CLINT1: variants seen among roughly 807,000 people sequenced by gnomAD.
CLINT1 encodes clathrin interacting protein localized in the trans-Golgi region.
In CLINT1, 15 loss-of-function variants were observed where a neutral mutation model predicts 70.4. The observed-to-expected ratio is 0.21, with a 90% confidence interval of 0.14 to 0.33. CLINT1 has a LOEUF of 0.33. Ranked by LOEUF, CLINT1 falls within the 10% of genes least tolerant of loss-of-function variation. The pLI is 1.00. For synonymous variants in CLINT1, 227 were observed against 254.7 expected (o/e 0.89, Z 1.04); for missense variants, 615 against 778.1 (o/e 0.79, Z 2.49).
chr5:157,807,927 G>A (rs1762435112), intron 6 of CLINT1, among the ~76,000 whole-genome samples: 1 of 150,840 alleles, frequency 6.6e-6, no homozygotes, highest in African/African-American at 2.4e-5. Flanking sequence ...AAGTAACACA[G>A]TTAGTGGTGG....
intron 1 of CLINT1, among the ~76,000 whole-genome samples, chr5:157,850,215 TG>T (rs945125745): frequency 9.9e-5 from 15 of 152,268 alleles, no homozygotes; most frequent in African/African-American, 3.6e-4. Flanking sequence ...CTCTCGCTGC[TG>T]AGTGGACAGC....
chr5:157,828,783 C>T (rs928646014), intron 1 of CLINT1, among the ~76,000 whole-genome samples: 5 of 151,712 alleles, frequency 3.3e-5, no homozygotes, highest in African/African-American at 7.3e-5. Context: ...CAGTGCACCA[C>T]CTGCATAGAT....
At chr5:157,830,561 T>A (rs1276350375) in intron 1 of CLINT1, among the ~76,000 whole-genome samples, 1 of 152,004 alleles carries the variant, frequency 6.6e-6, no homozygotes, top group Non-Finnish European at 1.5e-5. Flanking sequence ...TTCAAAAACA[T>A]GGGTTTTTGT....
chr5:157,831,530 C>G (rs574740213), intron 1 of CLINT1, among the ~76,000 whole-genome samples: 32 of 151,980 alleles, frequency 2.1e-4, no homozygotes, highest in Non-Finnish European at 3.2e-4. Context: ...ACAAAAAGCA[C>G]AATAAAAAAG....
At chr5:157,794,628 C>T (rs1042540554) in intron 9 of CLINT1, among the ~76,000 whole-genome samples, 1 of 152,138 alleles carries the variant, frequency 6.6e-6, no homozygotes, top group Admixed American at 6.6e-5. Context: ...TACTCACATC[C>T]TCCTTTCCCT....
chr5:157,803,279 C>T (rs1310357888), intron 8 of CLINT1, among the ~76,000 whole-genome samples: 1 of 151,996 alleles, frequency 6.6e-6, no homozygotes, highest in Non-Finnish European at 1.5e-5. Context: ...GTACATGATG[C>T]CTTGAAATAC....
chr5:157,839,303 A>G (rs542801651), intron 1 of CLINT1, among the ~76,000 whole-genome samples: 7 of 151,932 alleles, frequency 4.6e-5, no homozygotes, highest in African/African-American at 1.7e-4. Context: ...CCACACTTCC[A>G]AAGAACTTTG....
chr5:157,810,267 A>C (rs1762515481), intron 5 of CLINT1, among the ~76,000 whole-genome samples: 1 of 152,256 alleles, frequency 6.6e-6, no homozygotes, highest in Non-Finnish European at 1.5e-5. Context: ...AAGGAACTCC[A>C]ATCTGAATGC....
intron 1 of CLINT1, among the ~76,000 whole-genome samples, chr5:157,837,884 C>T (rs1336134538): frequency 6.6e-6 from 1 of 151,906 alleles, no homozygotes; most frequent in Non-Finnish European, 1.5e-5. Flanking sequence ...CCTCGTGATC[C>T]ACCAGCCTTG....
chr5:157,794,920 T>G lies in CLINT1; in HGVS notation c.1065A>C (p.Ala355=), dbSNP rs1214097100. The G allele has an allele frequency of 3.2e-6, 5 of 1,558,790 alleles. No homozygotes were observed. Among genetic ancestry groups the G allele is most frequent in the Non-Finnish European group, 4.3e-6 (5 of 1,150,694 alleles). Residue 355 remains alanine, a synonymous_variant, in exon 9 of 12, where the codon GCA becomes GCC. Coordinates refer to ENST00000411809, the MANE Select transcript of CLINT1 (RefSeq NM_014666.4). ...TACCTTGGGAAGGGAAACTGCCTGATGCAGCAGCTGAGCCAAAGTCAGCAA... is the reference window on the plus strand; with the variant it reads ...TACCTTGGGAAGGGAAACTGCCTGAGGCAGCAGCTGAGCCAAAGTCAGCAA... ...GGFADFGSAA[A]SGSFPSQVTA...
At position 157,814,777 on chromosome 5, in the gene CLINT1, C is replaced by G. The variant is rs149276010; in HGVS notation, c.244-484G>C. ...CAGGCTCAGCGGCTCATGCCTGTAA[C>G]CCCAGCACTTCCTGGGAGGCCGAGG... is the stretch of plus-strand genomic sequence containing the variant. On this transcript the variant is annotated intron_variant, in intron 3 of 11. Transcript: ENST00000411809. Among the ~76,000 whole-genome samples the G allele has an allele frequency of 5.2e-4, 79 of 152,126 alleles. 1 individual carries two copies. In the East Asian group the frequency reaches 0.015, roughly 29 times the overall value.
In CLINT1 at chr5:157,786,158, T is replaced by C. The variant is rs918061525; in HGVS notation, c.*1488A>G. On this transcript the variant is annotated 3_prime_UTR_variant, in exon 12 of 12. Coordinates refer to ENST00000411809, the MANE Select transcript of CLINT1 (RefSeq NM_014666.4). Reference sequence around the variant, plus strand: ...TTTAATTCCTAACAGTAGAGTCTGATAGGAAAGAATAGAGAAGTCATTAAA... The same window carrying C: ...TTTAATTCCTAACAGTAGAGTCTGACAGGAAAGAATAGAGAAGTCATTAAA... 2 of 152,182 alleles carry C rather than the reference T, an allele frequency of 1.3e-5. No homozygotes were observed. The highest frequency in any genetic ancestry group is 2.9e-5 in the Non-Finnish European group (2 of 68,014). 9.4% of individuals were successfully genotyped at this position (152,182 alleles called of 1,614,324 possible).
At chr5:157,844,391 A>G (rs1284959249) in intron 1 of CLINT1, among the ~76,000 whole-genome samples, 1 of 152,156 alleles carries the variant, frequency 6.6e-6, no homozygotes, top group Non-Finnish European at 1.5e-5. Flanking sequence ...TTTTTCATGC[A>G]GTTTTCATAT....
chr5:157,834,350 G>A (rs928785497), intron 1 of CLINT1, among the ~76,000 whole-genome samples: 1 of 149,532 alleles, frequency 6.7e-6, no homozygotes, highest in African/African-American at 2.5e-5. Flanking sequence ...TCCAGCCTGG[G>A]CAACAGAGCG....
chr5:157,790,586 C>T (rs2113123675), intron 10 of CLINT1: 1 of 452,694 alleles, frequency 2.2e-6, no homozygotes, highest in Middle Eastern at 3.3e-4. Context: ...ATTTCTGTTA[C>T]ATAGAGCAGT....
intron 1 of CLINT1, among the ~76,000 whole-genome samples, chr5:157,849,751 C>T (rs773437471): frequency 3.9e-5 from 6 of 152,116 alleles, no homozygotes; most frequent in Non-Finnish European, 8.8e-5. Context: ...TTGTTCTTGG[C>T]ACATGGCAAA....
chr5:157,801,315 T>C (rs555416525), intron 8 of CLINT1, among the ~76,000 whole-genome samples: 76 of 151,694 alleles, frequency 5.0e-4, no homozygotes, highest in African/African-American at 1.8e-3. Context: ...GAGACCAAGC[T>C]GGCCAACATG....
chr5:157,831,038 T>G lies in CLINT1; in HGVS notation c.42-13491A>C, dbSNP rs565969694. Among the ~76,000 whole-genome samples the G allele has an allele frequency of 1.2e-4, 17 of 147,782 alleles. No individual in the cohort carries two copies. The East Asian group carries it at 2.6e-3, about 23-fold the overall frequency. Reference sequence around the variant, plus strand: ...CAGACTAGATGACAGAACAAGACCCTGTCTCAAAAAAACAAACAAACAAAA... The same window carrying G: ...CAGACTAGATGACAGAACAAGACCCGGTCTCAAAAAAACAAACAAACAAAA... On this transcript the variant is annotated intron_variant, in intron 1 of 11. Transcript: ENST00000411809.
At position 157,787,086 on chromosome 5, in the gene CLINT1, T is replaced by C. The variant is rs1034435141; in HGVS notation, c.*560A>G. 1 of 153,672 alleles carries C rather than the reference T, an allele frequency of 6.5e-6. No individual in the cohort carries two copies. Among genetic ancestry groups the C allele is most frequent in the African/African-American group, 2.4e-5 (1 of 41,450 alleles). 9.5% of individuals were successfully genotyped at this position (153,672 alleles called of 1,614,324 possible). A position where few individuals can be genotyped will look rare whatever the true frequency, so the allele number is the denominator to read the frequency against. On this transcript the variant is annotated 3_prime_UTR_variant, in exon 12 of 12. Coordinates refer to ENST00000411809, the MANE Select transcript of CLINT1 (RefSeq NM_014666.4). ...AGTGTTGCTGGAACATTAGCAAAAG[T>C]ATATACATTCCAGTTACCTTTGATT...
Sources: gnomAD v4.1 joint callset for allele counts (sites outside exome capture counted in the v4.1 genomes callset) on GRCh38, gnomAD v4.1.1 for gene constraint, MANE v1.5 for transcripts, NCBI Gene and HGNC (gene_info 2026-07-23, HGNC 2026-07-21) for gene names.